The following EFR3B variants were observed in gnomAD, a reference collection of about 807,000 sequenced individuals.
The protein encoded by EFR3B is protein EFR3 homolog B.
A neutral mutation model predicts 104.7 loss-of-function variants in EFR3B; 64 were observed. That is an observed-to-expected ratio of 0.61 (90% CI 0.50 to 0.75). The LOEUF is 0.75. Among genes scored for constraint, EFR3B ranks in the 30% least tolerant of loss-of-function variants. EFR3B has a pLI of 0.00. For synonymous variants in EFR3B, 385 were observed against 417.9 expected, an observed-to-expected ratio of 0.92 and a Z score of 0.96; for missense variants, 750 against 1,078.5, an observed-to-expected ratio of 0.70 and a Z score of 4.27.
rs996420482 is a variant in EFR3B at position 25,137,233 on chromosome 2, G to C, written c.1561-108G>C. ...GCATCCCCTCCCCAAGGGAGGAGGG[G>C]GCACACAGCCATCCTGCCCCCCTTC... On this transcript the variant is annotated intron_variant, in intron 14 of 22. Transcript: ENST00000403714. This position sits in a 1 kb window ranked among gnomAD's most constrained non-coding sequence, Gnocchi z 4.7. 1.5e-6 allele frequency: 2 copies of C among 1,296,896 alleles called. No homozygotes were observed. Among genetic ancestry groups the C allele is most frequent in the African/African-American group, 3.0e-5 (2 of 67,512 alleles). The allele number at this position is 1,296,896 out of a possible 1,614,324, so 80.3% of individuals were successfully genotyped here. A position where few individuals can be genotyped will look rare whatever the true frequency, so the allele number is the denominator to read the frequency against.
At chr2:25,125,719 C>T (rs1045073645) in intron 5 of EFR3B, among the ~76,000 whole-genome samples, 3 of 152,078 alleles carry the variant, frequency 2.0e-5, no homozygotes, top group South Asian at 2.1e-4. Flanking sequence ...GAGGCCAAGG[C>T]GGGAGGATCA....
At chr2:25,072,287 C>G (rs1668521363) in intron 1 of EFR3B, among the ~76,000 whole-genome samples, 2 of 152,040 alleles carry the variant, frequency 1.3e-5, no homozygotes, top group African/African-American at 4.8e-5. Flanking sequence ...CTTTTCTTAT[C>G]TTTATCTTTT....
At chr2:25,065,083 G>T (rs1044505324) in intron 1 of EFR3B, among the ~76,000 whole-genome samples, 3 of 152,058 alleles carry the variant, frequency 2.0e-5, no homozygotes, top group Non-Finnish European at 1.5e-5. Context: ...ACCTGGCGGG[G>T]GGGGCGGGGC....
chr2:25,153,398 C>T (rs1671067554), intron 21 of EFR3B, among the ~76,000 whole-genome samples: 1 of 152,020 alleles, frequency 6.6e-6, no homozygotes, highest in African/African-American at 2.4e-5. Context: ...GTGCAGTCTC[C>T]CGACTCCATG....
At chr2:25,070,488 C>G (rs1668464363) in intron 1 of EFR3B, among the ~76,000 whole-genome samples, 1 of 152,156 alleles carries the variant, frequency 6.6e-6, no homozygotes, top group Admixed American at 6.5e-5. Flanking sequence ...GTCTCGAACT[C>G]CTGGTCTCAA....
At chr2:25,053,220 G>T (rs1157252546) in intron 1 of EFR3B, among the ~76,000 whole-genome samples, 2 of 152,180 alleles carry the variant, frequency 1.3e-5, no homozygotes, top group African/African-American at 4.8e-5. Flanking sequence ...CTCACTTCTG[G>T]ATCACTTCTC....
At position 25,135,463 on chromosome 2, in the gene EFR3B, G is replaced by T; in HGVS notation, c.1312-4G>T. 6.4e-7 allele frequency: 1 copy of T among 1,551,648 alleles called. No homozygotes were observed. Among genetic ancestry groups the T allele is most frequent in the Non-Finnish European group, 8.7e-7 (1 of 1,146,958 alleles). ...AGGCATAGCTGTCCATACCTCCCTT[G>T]CAGGTATCCACAGGTTTCCAGTGCA... is the stretch of plus-strand genomic sequence containing the variant. On this transcript the variant is annotated splice_region_variant and splice_polypyrimidine_tract_variant and intron_variant, in intron 12 of 22. Transcript: ENST00000403714.
At chr2:25,145,300 G>A in intron 19 of EFR3B, 1 of 548,796 alleles carries the variant, frequency 1.8e-6, no homozygotes, top group Non-Finnish European at 3.2e-6. Context: ...GGCTGGGGAT[G>A]GTGGCTCACA....
rs191360470 is a variant in EFR3B at position 25,152,127 on chromosome 2, C to T, written c.2298+107C>T. 3.0e-5 allele frequency: 31 copies of T among 1,042,582 alleles called. No individual in the cohort carries two copies. The East Asian group carries it at 7.4e-4, about 25-fold the overall frequency. The allele number at this position is 1,042,582 out of a possible 1,614,324, so 64.6% of individuals were successfully genotyped here. Reference sequence around the variant, plus strand: ...GAGATCTTGGCTCTTTGACCACCAACCTCCCCCACCCCCACCCTGCCAGAC... The same window carrying T: ...GAGATCTTGGCTCTTTGACCACCAATCTCCCCCACCCCCACCCTGCCAGAC... On this transcript the variant is annotated intron_variant, in intron 21 of 22. Transcript: ENST00000403714.
chr2:25,143,936 G>A, intron 18 of EFR3B, 74 bp downstream of exon 18: 1 of 1,496,060 alleles, frequency 6.7e-7, no homozygotes, highest in Non-Finnish European at 9.0e-7. Context: ...GAGCATAAGG[G>A]ACTTATAGCC....
At chr2:25,053,022 A>G (rs954609238) in intron 1 of EFR3B, among the ~76,000 whole-genome samples, 7 of 152,212 alleles carry the variant, frequency 4.6e-5, no homozygotes, top group African/African-American at 1.7e-4. Context: ...TTCCAGCTCC[A>G]GAGTGTGGAC....
intron 1 of EFR3B, among the ~76,000 whole-genome samples, chr2:25,045,804 A>G (rs1458976564): frequency 6.6e-6 from 1 of 151,902 alleles, no homozygotes; most frequent in Non-Finnish European, 1.5e-5. Context: ...AAAATTATAT[A>G]GCTAAGAGTT....
At chr2:25,058,211 T>A (rs1668077297) in intron 1 of EFR3B, 1 of 151,952 alleles carries the variant, frequency 6.6e-6, no homozygotes, top group South Asian at 2.1e-4. Flanking sequence ...TAAGGAGGAG[T>A]GAGCCAGCCC....
intron 1 of EFR3B, among the ~76,000 whole-genome samples, chr2:25,062,061 C>T (rs1360199574): frequency 6.6e-6 from 1 of 152,176 alleles, no homozygotes; most frequent in East Asian, 1.9e-4. Context: ...ATTTTCTACA[C>T]TTCGTGTAGT....
intron 1 of EFR3B, chr2:25,080,618 A>G: frequency 1.8e-6 from 1 of 565,630 alleles, no homozygotes; most frequent in Non-Finnish European, 3.1e-6. Context: ...ATATCTATTG[A>G]GGCCATGGCC....
intron 17 of EFR3B, among the ~76,000 whole-genome samples, chr2:25,142,523 T>C (rs1172889733): frequency 3.3e-5 from 5 of 149,604 alleles, no homozygotes; most frequent in Non-Finnish European, 7.4e-5. Flanking sequence ...CTTTGGGTGG[T>C]TGAGGCGGGC....
At chr2:25,074,904 A>G (rs1363011363) in intron 1 of EFR3B, among the ~76,000 whole-genome samples, 3 of 152,030 alleles carry the variant, frequency 2.0e-5, no homozygotes, top group Admixed American at 6.5e-5. Context: ...GGCATAAGCC[A>G]CCATGCCTGG....
Position 25,081,289 on chromosome 2 carries a change from C to T in EFR3B, c.8-10036C>T. ...TCAAATGTTCCTTTTCCTCGACCAT[C>T]AGCTGAAACCTGCGCCTTCATCTCA... On this transcript the variant is annotated intron_variant, in intron 1 of 22. Coordinates refer to ENST00000403714, the MANE Select transcript of EFR3B (RefSeq NM_014971.2). The T allele has an allele frequency of 3.0e-6, 3 of 984,980 alleles. No homozygotes were observed. In the South Asian group the frequency reaches 4.1e-5, roughly 13 times the overall value. 61.0% of individuals were successfully genotyped at this position (984,980 alleles called of 1,614,324 possible).
intron 4 of EFR3B, among the ~76,000 whole-genome samples, chr2:25,105,319 ATATTTGTTTTT>A (rs1669534322): frequency 1.3e-5 from 2 of 152,028 alleles, no homozygotes; most frequent in African/African-American, 2.4e-5. Flanking sequence ...CACCTGGCTA[ATATTTGTTTTT>A]AGAAGAGACG....
Sources: gnomAD v4.1 joint callset for allele counts (sites outside exome capture counted in the v4.1 genomes callset) on GRCh38, gnomAD v4.1.1 for gene constraint, Gnocchi (gnomAD v3.1) non-coding constraint, MANE v1.5 for transcripts, NCBI Gene and HGNC (gene_info 2026-07-23, HGNC 2026-07-21) for gene names.